The following GUCY1A2 variants were observed in gnomAD, a reference collection of about 807,000 sequenced individuals.
The protein encoded by GUCY1A2 is guanylate cyclase 1 soluble subunit alpha 2.
A neutral mutation model predicts 63.5 loss-of-function variants in GUCY1A2; 27 were observed. The ratio of observed to expected loss-of-function variants is 0.43; its 90% CI spans 0.31 to 0.59. The LOEUF (loss-of-function observed/expected upper bound fraction) is 0.59. GUCY1A2 is among the 20% of genes least tolerant of loss of function. The pLI is 0.11. For missense variants in GUCY1A2, 768 were observed against 913.3 expected (o/e 0.84, Z 2.05); for synonymous variants, 364 against 343.5 (o/e 1.06, Z -0.66).
rs2085155053 is a variant in GUCY1A2, at chr11:106,685,430, T to G, written c.*2119A>C. On this transcript the variant is annotated 3_prime_UTR_variant, in exon 8 of 8. Transcript: ENST00000526355. Reference sequence around the variant, plus strand: ...TGTTTAGAGTAGTTGCTTAGACAAATCTTTATAAAAAGTGAGAGAAATAGA... The same window carrying G: ...TGTTTAGAGTAGTTGCTTAGACAAAGCTTTATAAAAAGTGAGAGAAATAGA... The G allele has an allele frequency of 1.4e-5, 3 of 219,952 alleles. No individual in the cohort carries two copies. Among genetic ancestry groups the G allele is most frequent in the Non-Finnish European group, 1.8e-5 (2 of 109,880 alleles). 13.6% of individuals were successfully genotyped at this position (219,952 alleles called of 1,614,324 possible).
intron 5 of GUCY1A2, among the ~76,000 whole-genome samples, chr11:106,797,812 G>T (rs1864794357): frequency 6.6e-6 from 1 of 152,118 alleles, no homozygotes; most frequent in South Asian, 2.1e-4. Flanking sequence ...ACAAGAGAAA[G>T]CAGGAAAGAT....
At chr11:106,976,157 T>C (rs1861259019) in intron 3 of GUCY1A2, among the ~76,000 whole-genome samples, 1 of 152,082 alleles carries the variant, frequency 6.6e-6, no homozygotes. Flanking sequence ...AAGAGAAATA[T>C]ATGTTTGCCA....
intron 5 of GUCY1A2, among the ~76,000 whole-genome samples, chr11:106,786,630 T>G (rs976386005): frequency 2.0e-5 from 3 of 152,166 alleles, no homozygotes. Flanking sequence ...AGAAATACAT[T>G]AAAATATCAA....
At chr11:106,828,246 G>A (rs1410604593) in intron 4 of GUCY1A2, among the ~76,000 whole-genome samples, 1 of 151,562 alleles carries the variant, frequency 6.6e-6, no homozygotes, top group African/African-American at 2.4e-5. Context: ...TTGCTTTTGG[G>A]GTCTTCATCA....
chr11:106,934,838 T>TA (rs534929075), intron 4 of GUCY1A2, among the ~76,000 whole-genome samples: 5 of 151,250 alleles, frequency 3.3e-5, no homozygotes, highest in African/African-American at 4.8e-5. Flanking sequence ...GTGATGCTAC[T>TA]AAAAAAAAAT....
chr11:106,818,302 C>A (rs567371110), intron 4 of GUCY1A2, among the ~76,000 whole-genome samples: 2 of 152,210 alleles, frequency 1.3e-5, no homozygotes, highest in African/African-American at 2.4e-5. Flanking sequence ...TTTGGCAATT[C>A]TCATAATATT....
intron 1 of GUCY1A2, among the ~76,000 whole-genome samples, chr11:106,991,799 G>A (rs1861473609): frequency 6.6e-6 from 1 of 152,124 alleles, no homozygotes; most frequent in African/African-American, 2.4e-5. Flanking sequence ...TAATCTCACA[G>A]TAACCCACTC....
rs77114782 is a variant in GUCY1A2 at position 106,678,689 on chromosome 11, T to C, written c.*8860A>G. ...GATTTGAACATAAATTGGTTTTGACTTAGATTTTATTCCGAGAAGTTTACA... is the reference window on the plus strand; with the variant it reads ...GATTTGAACATAAATTGGTTTTGACCTAGATTTTATTCCGAGAAGTTTACA... On this transcript the variant is annotated 3_prime_UTR_variant, in exon 8 of 8. Coordinates refer to ENST00000526355, the MANE Select transcript of GUCY1A2 (RefSeq NM_000855.3). The C allele has an allele frequency of 2.5e-3, 514 of 207,652 alleles. 1 individual carries two copies. Among genetic ancestry groups the C allele is most frequent in the African/African-American group, 0.011 (497 of 44,054 alleles). 12.9% of individuals were successfully genotyped at this position (207,652 alleles called of 1,614,324 possible). A position where few individuals can be genotyped will look rare whatever the true frequency, so the allele number is the denominator to read the frequency against.
intron 2 of GUCY1A2, 28 bp downstream of exon 2, chr11:106,986,042 A>G (rs765496732): frequency 1.1e-5 from 12 of 1,133,924 alleles, no homozygotes; most frequent in African/African-American, 4.6e-5. Flanking sequence ...TTTGTCCCCA[A>G]TAATAACCGA....
chr11:106,746,981 T>TG (rs903405246), intron 6 of GUCY1A2, among the ~76,000 whole-genome samples: 1 of 152,036 alleles, frequency 6.6e-6, no homozygotes, highest in Non-Finnish European at 1.5e-5. Flanking sequence ...TCAAAAGATG[T>TG]GGGTTTTTTT....
At chr11:106,800,031 A>C (rs558109495) in intron 5 of GUCY1A2, among the ~76,000 whole-genome samples, 94 of 152,336 alleles carry the variant, frequency 6.2e-4, no homozygotes, top group Non-Finnish European at 1.1e-3. Context: ...CAAAGAACTC[A>C]AACAAATTTA....
chr11:106,958,847 C>G (rs1271488556), intron 3 of GUCY1A2, among the ~76,000 whole-genome samples: 1 of 152,112 alleles, frequency 6.6e-6, no homozygotes, highest in Non-Finnish European at 1.5e-5. Context: ...GCATATACAC[C>G]TCAAACTGTT....
In GUCY1A2 at chr11:106,685,764, A is replaced by G. The variant is rs2135331428; in HGVS notation, c.*1785T>C. On this transcript the variant is annotated 3_prime_UTR_variant, in exon 8 of 8. Transcript: ENST00000526355. ...AGAAGAGGGGGTCAGGCAAAGGTTT[A>G]GAGCTCAAGGTCTATTTCCTGTCTT... The G allele has an allele frequency of 4.4e-6, 1 of 226,872 alleles. No homozygotes were observed. Among genetic ancestry groups the G allele is most frequent in the East Asian group, 6.3e-5 (1 of 15,832 alleles). 14.1% of individuals were successfully genotyped at this position (226,872 alleles called of 1,614,324 possible). A position where few individuals can be genotyped will look rare whatever the true frequency, so the allele number is the denominator to read the frequency against.
At chr11:106,833,320 G>T (rs895918236) in intron 4 of GUCY1A2, among the ~76,000 whole-genome samples, 6 of 152,054 alleles carry the variant, frequency 3.9e-5, no homozygotes, top group Non-Finnish European at 7.4e-5. Context: ...ATCTTAGGAA[G>T]AGGTACACAG....
rs563169382 is a variant in GUCY1A2, at chr11:106,938,417, A to G, written c.1206+1043T>C. On this transcript the variant is annotated intron_variant, in intron 4 of 7. Transcript: ENST00000526355. ...TTCCAGAATATGTATATTTTCACTG[A>G]GTCTTTAATTACTTCTACAACTCTT... Among the ~76,000 whole-genome samples, 41 of 152,260 alleles carry G rather than the reference A, an allele frequency of 2.7e-4. No homozygotes were observed. In the East Asian group the frequency reaches 4.6e-3, roughly 17 times the overall value.
chr11:106,880,002 C>T (rs1859802156), intron 4 of GUCY1A2, among the ~76,000 whole-genome samples: 1 of 151,954 alleles, frequency 6.6e-6, no homozygotes, highest in South Asian at 2.1e-4. Context: ...TAGAATGACC[C>T]TGTATGGTCA....
chr11:106,728,763 C>A (rs1378575050), intron 6 of GUCY1A2, among the ~76,000 whole-genome samples: 1 of 151,514 alleles, frequency 6.6e-6, no homozygotes, highest in Non-Finnish European at 1.5e-5. Context: ...ATATTTGCAA[C>A]CCCATCTAAA....
chr11:106,700,494 T>A (rs1476923919), intron 7 of GUCY1A2, among the ~76,000 whole-genome samples: 1 of 152,190 alleles, frequency 6.6e-6, no homozygotes, highest in Non-Finnish European at 1.5e-5. Flanking sequence ...TCAATTGTGC[T>A]AGATATGACT....
intron 6 of GUCY1A2, among the ~76,000 whole-genome samples, chr11:106,737,061 A>G (rs1863602470): frequency 6.6e-6 from 1 of 152,174 alleles, no homozygotes; most frequent in South Asian, 2.1e-4. Context: ...TACCCATCCT[A>G]GTAGCAAATC....
Sources: gnomAD v4.1 joint callset for allele counts (sites outside exome capture counted in the v4.1 genomes callset) on GRCh38, gnomAD v4.1.1 for gene constraint, MANE v1.5 for transcripts, NCBI Gene and HGNC (gene_info 2026-07-23, HGNC 2026-07-21) for gene names.